The following SETBP1 variants were observed in gnomAD, a reference collection of about 807,000 sequenced individuals.
SETBP1 encodes SET-binding protein.
A neutral mutation model predicts 101.0 loss-of-function variants in SETBP1; 9 were observed. The ratio of observed to expected loss-of-function variants is 0.09; its 90% CI spans 0.05 to 0.16. The LOEUF is 0.16. SETBP1 is among the 10% of genes least tolerant of loss of function. The pLI is 1.00. For missense variants in SETBP1, 1,858 were observed against 2,033.8 expected, an observed-to-expected ratio of 0.91 and a Z score of 1.66; for synonymous variants, 818 against 788.5, an observed-to-expected ratio of 1.04 and a Z score of -0.63.
chr18:44,899,035 T>C (rs1158044347), intron 3 of SETBP1, among the ~76,000 whole-genome samples: 1 of 152,204 alleles, frequency 6.6e-6, no homozygotes, highest in East Asian at 1.9e-4. Flanking sequence ...CGGGAGATAC[T>C]GGGTTCTAGT....
intron 3 of SETBP1, among the ~76,000 whole-genome samples, chr18:44,902,273 G>T (rs778759112): frequency 5.9e-5 from 9 of 151,934 alleles, no homozygotes; most frequent in Non-Finnish European, 1.3e-4. Context: ...AATTTATAGT[G>T]TCTTCTCATG....
intron 2 of SETBP1, among the ~76,000 whole-genome samples, chr18:44,763,497 C>A (rs183430946): frequency 5.9e-4 from 90 of 152,288 alleles, no homozygotes; most frequent in African/African-American, 2.1e-3. Flanking sequence ...GGAAGCACCA[C>A]CAGCCACAGC....
At chr18:45,023,845 C>T (rs1042394110) in intron 4 of SETBP1, among the ~76,000 whole-genome samples, 18 of 152,144 alleles carry the variant, frequency 1.2e-4, no homozygotes, top group Admixed American at 6.5e-5. Context: ...TTAATCCCTA[C>T]GATAGCCCTC....
At chr18:44,691,909 C>G (rs1598994962) in intron 1 of SETBP1, among the ~76,000 whole-genome samples, 1 of 152,226 alleles carries the variant, frequency 6.6e-6, no homozygotes, top group Admixed American at 6.5e-5. Context: ...GAAAAAGGAA[C>G]TTGCCCAAGG....
chr18:44,706,120 T>G (rs1025460989), intron 2 of SETBP1, among the ~76,000 whole-genome samples: 1 of 152,038 alleles, frequency 6.6e-6, no homozygotes, highest in Non-Finnish European at 1.5e-5. Flanking sequence ...TTTGGACAGG[T>G]CTAATTTTGC....
At chr18:44,682,911 G>A (rs527276684) in intron 1 of SETBP1, among the ~76,000 whole-genome samples, 1 of 152,202 alleles carries the variant, frequency 6.6e-6, no homozygotes, top group South Asian at 2.1e-4. Context: ...TGGGGGAGGA[G>A]GTGGTGAGCG....
intron 4 of SETBP1, among the ~76,000 whole-genome samples, chr18:45,028,924 T>A (rs2073229952): frequency 6.6e-6 from 1 of 152,240 alleles, no homozygotes. Flanking sequence ...CTTTGTCAGA[T>A]GAGTAAGTTG....
intron 2 of SETBP1, among the ~76,000 whole-genome samples, chr18:44,830,108 C>A (rs1240115037): frequency 6.6e-6 from 1 of 152,090 alleles, no homozygotes; most frequent in African/African-American, 2.4e-5. Context: ...GGGAAAAAAA[C>A]TAAATAATTG....
intron 4 of SETBP1, among the ~76,000 whole-genome samples, chr18:44,985,933 T>C (rs773879796): frequency 6.6e-6 from 1 of 152,250 alleles, no homozygotes; most frequent in Non-Finnish European, 1.5e-5. Flanking sequence ...ACTAGAGTCT[T>C]GTTCCCAGAG....
At chr18:44,982,997 G>A (rs567121739) in intron 4 of SETBP1, among the ~76,000 whole-genome samples, 1 of 152,254 alleles carries the variant, frequency 6.6e-6, no homozygotes, top group Non-Finnish European at 1.5e-5. Flanking sequence ...TGCAATTATG[G>A]TATGTGGGCC....
chr18:45,012,633 A>C (rs1223529703), intron 4 of SETBP1, among the ~76,000 whole-genome samples: 1 of 152,150 alleles, frequency 6.6e-6, no homozygotes, highest in Non-Finnish European at 1.5e-5. Flanking sequence ...CAGGAAGTAA[A>C]AGAAAATGTG....
Position 45,023,549 on chromosome 18 carries a change from T to C in SETBP1, c.4001-14936T>C, listed in dbSNP as rs535690811. On this transcript the variant is annotated intron_variant, in intron 4 of 5. Coordinates refer to ENST00000649279, the MANE Select transcript of SETBP1 (RefSeq NM_015559.3). ...CTTATAGCCAACCACCAGCCGTTGA[T>C]TGAGAATGTAGCATCAAATTGAATA... Among the ~76,000 whole-genome samples, 16 of 152,332 alleles carry C rather than the reference T, an allele frequency of 1.1e-4. 1 individual carries two copies. The South Asian group carries it at 2.1e-3, about 20-fold the overall frequency.
intron 2 of SETBP1, among the ~76,000 whole-genome samples, chr18:44,797,722 C>T (rs2071511725): frequency 6.6e-6 from 1 of 152,206 alleles, no homozygotes; most frequent in Admixed American, 6.5e-5. Flanking sequence ...ACAGAAAGTG[C>T]ATGAACCTCC....
At chr18:44,790,216 A>G (rs568755357) in intron 2 of SETBP1, among the ~76,000 whole-genome samples, 3 of 152,268 alleles carry the variant, frequency 2.0e-5, no homozygotes, top group Admixed American at 1.3e-4. Flanking sequence ...GGCCCAACTT[A>G]AAAAATAACA....
chr18:44,743,640 AAG>A (rs1198721113), intron 2 of SETBP1, among the ~76,000 whole-genome samples: 1 of 152,148 alleles, frequency 6.6e-6, no homozygotes, highest in Non-Finnish European at 1.5e-5. Context: ...AGAGAGGAAA[AAG>A]AAAATAGCTC....
At chr18:44,930,545 A>G (rs1188098089) in intron 3 of SETBP1, among the ~76,000 whole-genome samples, 2 of 152,188 alleles carry the variant, frequency 1.3e-5, no homozygotes, top group Non-Finnish European at 2.9e-5. Context: ...GGTAGAATTC[A>G]GCTGTGAATC....
intron 2 of SETBP1, among the ~76,000 whole-genome samples, chr18:44,727,293 G>C (rs1192332549): frequency 6.6e-6 from 1 of 151,998 alleles, no homozygotes; most frequent in Admixed American, 6.6e-5. Flanking sequence ...TTTGGGGTGA[G>C]AGATTAGGAT....
At chr18:44,987,409 A>G (rs1461651930) in intron 4 of SETBP1, 1 of 152,234 alleles carries the variant, frequency 6.6e-6, no homozygotes, top group South Asian at 2.1e-4. Context: ...CTGTCCATCA[A>G]TAACAATCAC....
chr18:44,740,770 G>A (rs1260166096), intron 2 of SETBP1, among the ~76,000 whole-genome samples: 1 of 152,212 alleles, frequency 6.6e-6, no homozygotes, highest in African/African-American at 2.4e-5. Flanking sequence ...GAGGTAGGGT[G>A]AGTACAAGTT....
Sources: gnomAD v4.1 joint callset for allele counts (sites outside exome capture counted in the v4.1 genomes callset) on GRCh38, gnomAD v4.1.1 for gene constraint, MANE v1.5 for transcripts, NCBI Gene and HGNC (gene_info 2026-07-23, HGNC 2026-07-21) for gene names.